Variants in BPTF observed in about 807,000 individuals in gnomAD.
BPTF encodes the protein bromodomain PHD finger transcription factor.
A neutral mutation model predicts 292.5 loss-of-function variants in BPTF; 18 were observed. That is an observed-to-expected ratio of 0.06 (90% CI 0.04 to 0.09). The LOEUF (loss-of-function observed/expected upper bound fraction) is 0.09, where lower values mean the gene tolerates loss of function less well. Ranked by LOEUF, BPTF falls within the 10% of genes least tolerant of loss-of-function variation. The probability of loss-of-function intolerance (pLI) is 1.00; values close to 1 mark genes in which losing one functional copy is unlikely to be tolerated. For missense variants in BPTF, 2,726 were observed against 3,498.7 expected (o/e 0.78, Z 5.57); for synonymous variants, 1,225 against 1,251.9 (o/e 0.98, Z 0.45).
At position 67,922,912 on chromosome 17, in the gene BPTF, A is replaced by C; in HGVS notation, c.5630A>C (p.Gln1877Pro). The change falls in exon 14 of 28, where the codon CAA becomes CCA. Residue 1877 changes from glutamine (Q) to proline (P), a missense_variant. Gln to Pro is a moderately conservative substitution (Grantham distance 76). Coordinates refer to ENST00000306378, the MANE Select transcript of BPTF (RefSeq NM_182641.4). ...CCAAAGAGACCAGAAACGCCCAAGC[A>C]AACTGGCCCTGTTATTATTGAAACC... ...LRPKRPETPK[Q>P]TGPVIIETWV... 1.2e-6 allele frequency: 2 copies of C among 1,614,168 alleles called. No homozygotes were observed. Among genetic ancestry groups the C allele is most frequent in the Non-Finnish European group, 1.7e-6 (2 of 1,180,032 alleles).
intron 14 of BPTF, among the ~76,000 whole-genome samples, chr17:67,923,605 G>C (rs2063620324): frequency 6.8e-6 from 1 of 146,548 alleles, no homozygotes; most frequent in African/African-American, 2.5e-5. Context: ...TCAGCCTCCT[G>C]AGTAGCTGGG....
intron 23 of BPTF, among the ~76,000 whole-genome samples, chr17:67,950,133 C>G: frequency 6.6e-6 from 1 of 150,786 alleles, no homozygotes. Context: ...CACAGTGGCT[C>G]ATGCCTGTAA....
At chr17:67,940,002 G>A (rs2065238381) in intron 18 of BPTF, among the ~76,000 whole-genome samples, 1 of 152,224 alleles carries the variant, frequency 6.6e-6, no homozygotes, top group Middle Eastern at 3.2e-3. Context: ...TATAAATGCA[G>A]TTGGCCCAGA....
At chr17:67,903,762 A>G in intron 7 of BPTF, 27 bp from the exon 8 acceptor site, 1 of 1,506,738 alleles carries the variant, frequency 6.6e-7, no homozygotes. Context: ...CCAAGTTAAC[A>G]TTGTCTTTCT....
intron 3 of BPTF, among the ~76,000 whole-genome samples, chr17:67,874,074 A>G (rs2059916633): frequency 6.6e-6 from 1 of 152,204 alleles, no homozygotes; most frequent in African/African-American, 2.4e-5. Flanking sequence ...CCCAGTGGCC[A>G]AAGCTGAAAC....
chr17:67,833,594 C>T (rs544386111), intron 1 of BPTF, among the ~76,000 whole-genome samples: 1 of 148,064 alleles, frequency 6.8e-6, no homozygotes, highest in African/African-American at 2.5e-5. Flanking sequence ...TTTTTTGAGA[C>T]AGAGTCTCTT....
At chr17:67,842,468 C>A (rs1025560146) in intron 1 of BPTF, among the ~76,000 whole-genome samples, 2 of 152,156 alleles carry the variant, frequency 1.3e-5, no homozygotes, top group Non-Finnish European at 2.9e-5. Context: ...TCTAGATCCA[C>A]TTTTCTTCTT....
intron 7 of BPTF, among the ~76,000 whole-genome samples, chr17:67,896,164 G>A (rs59640213): frequency 0.36 from 54,455 of 151,922 alleles, 11,137 homozygotes; most frequent in East Asian, 0.67. Flanking sequence ...GGGTTTCACC[G>A]TGTTAGCCAG....
At chr17:67,958,790 C>T (rs2148275252) in intron 23 of BPTF, among the ~76,000 whole-genome samples, 1 of 151,850 alleles carries the variant, frequency 6.6e-6, no homozygotes, top group South Asian at 2.1e-4. Context: ...CATGGCGAAA[C>T]CCCGTTTCTA....
chr17:67,856,192 G>A (rs774555784), intron 2 of BPTF, among the ~76,000 whole-genome samples: 2 of 151,976 alleles, frequency 1.3e-5, no homozygotes, highest in South Asian at 2.1e-4. Flanking sequence ...TGGGGTATTT[G>A]TATGTGTTCA....
chr17:67,963,960 T>G (rs1338050896), intron 24 of BPTF, among the ~76,000 whole-genome samples: 1 of 152,354 alleles, frequency 6.6e-6, no homozygotes, highest in South Asian at 2.1e-4. Context: ...TAAAATCAAT[T>G]GAATGTTTCA....
intron 26 of BPTF, among the ~76,000 whole-genome samples, chr17:67,968,130 A>G (rs1413725634): frequency 2.0e-5 from 3 of 151,610 alleles, no homozygotes; most frequent in East Asian, 1.9e-4. Flanking sequence ...TGCAAAAGAA[A>G]TTAGAAAAAT....
chr17:67,883,542 A>G (rs751928934), intron 4 of BPTF, among the ~76,000 whole-genome samples: 3 of 152,042 alleles, frequency 2.0e-5, no homozygotes, highest in Non-Finnish European at 4.4e-5. Context: ...TTTCTTTTCT[A>G]AGTAGCCATT....
intron 1 of BPTF, among the ~76,000 whole-genome samples, chr17:67,847,107 TA>T (rs1445674671): frequency 6.6e-6 from 1 of 152,218 alleles, no homozygotes; most frequent in African/African-American, 2.4e-5. Flanking sequence ...AGCCTCTCTA[TA>T]AACATCTTTG....
chr17:67,880,802 A>G (rs1193757706), intron 4 of BPTF, among the ~76,000 whole-genome samples: 2 of 150,882 alleles, frequency 1.3e-5, no homozygotes, highest in African/African-American at 2.4e-5. Context: ...TTTTTTTTCT[A>G]GTTGATTTCT....
intron 2 of BPTF, among the ~76,000 whole-genome samples, chr17:67,855,370 T>C (rs1021869421): frequency 3.3e-5 from 5 of 152,220 alleles, no homozygotes; most frequent in African/African-American, 1.2e-4. Flanking sequence ...GTTATGTTCC[T>C]CTATAGCCTA....
At chr17:67,859,525 G>A (rs1214305355) in intron 2 of BPTF, among the ~76,000 whole-genome samples, 1 of 152,158 alleles carries the variant, frequency 6.6e-6, no homozygotes, top group African/African-American at 2.4e-5. Context: ...CCCTTGATTT[G>A]CCCAAGACCC....
At chr17:67,878,831 TGACTA>T (rs1395642546) in intron 4 of BPTF, among the ~76,000 whole-genome samples, 2 of 151,964 alleles carry the variant, frequency 1.3e-5, no homozygotes, top group African/African-American at 4.8e-5. Flanking sequence ...CACTTTACCT[TGACTA>T]GAAGCAGAAG....
Position 67,945,727 on chromosome 17 carries a change from C to T in BPTF, c.7019C>T (p.Pro2340Leu). 2 of 1,614,208 alleles carry T rather than the reference C, an allele frequency of 1.2e-6. No homozygotes were observed. The highest frequency in any genetic ancestry group is 2.2e-5 in the South Asian group (2 of 91,078). ...QPQSNVQGQS[P>L]VRVQSPSQTR... is the part of the protein sequence containing the mutation. ...CAAAGTAATGTCCAAGGACAGTCTC[C>T]TGTTCGTGTCCAAAGTCCATCACAG... The change falls in exon 21 of 28, where the codon CCT becomes CTT. Residue 2340 changes from proline (P) to leucine (L), a missense_variant. This residue lies in a region of BPTF where 570 missense variants were observed against 633.5 expected (regional missense o/e 0.90). Coordinates refer to ENST00000306378, the MANE Select transcript of BPTF (RefSeq NM_182641.4).
Sources: gnomAD v4.1 joint callset for allele counts (sites outside exome capture counted in the v4.1 genomes callset) on GRCh38, gnomAD v4.1.1 for gene constraint, gnomAD v4.1.1 regional missense constraint, MANE v1.5 for transcripts, NCBI Gene and HGNC (gene_info 2026-07-23, HGNC 2026-07-21) for gene names.